TAF4B: variants seen among roughly 807,000 people sequenced by gnomAD.
TAF4B encodes transcription initiation factor TFIID subunit 4B.
TAF4B carries 38 observed loss-of-function variants against 86.4 expected under a neutral mutation model. The ratio of observed to expected loss-of-function variants is 0.44; its 90% CI spans 0.34 to 0.58. The LOEUF (loss-of-function observed/expected upper bound fraction) is 0.58. Among genes scored for constraint, TAF4B ranks in the 20% least tolerant of loss-of-function variants. The probability of loss-of-function intolerance (pLI) is 0.02; values close to 1 mark genes in which losing one functional copy is unlikely to be tolerated. For synonymous variants in TAF4B, 388 were observed against 391.2 expected (o/e 0.99, Z 0.10); for missense variants, 988 against 1,027.6 (o/e 0.96, Z 0.53).
chr18:26,372,642 T>C (rs1441353354), intron 14 of TAF4B, among the ~76,000 whole-genome samples: 2 of 152,160 alleles, frequency 1.3e-5, no homozygotes, highest in Non-Finnish European at 1.5e-5. Flanking sequence ...CTATCCGTTA[T>C]GTTAATACCA....
chr18:26,233,869 A>G (rs932706695), intron 1 of TAF4B, among the ~76,000 whole-genome samples: 2 of 152,148 alleles, frequency 1.3e-5, no homozygotes. Context: ...GTTCCCCCAG[A>G]GGGGCCTTAC....
Position 26,293,462 on chromosome 18 carries a change from A to C in TAF4B, c.1763A>C (p.Lys588Thr), listed in dbSNP as rs2056621764. The change falls in exon 9 of 15, where the codon AAA becomes ACA. Residue 588 changes from lysine (K) to threonine (T), a missense_variant. Around this residue, in one of 3 missense-constraint regions of TAF4B, gnomAD observed 747 missense variants for 737.9 expected, o/e 1.01. Transcript: ENST00000269142. ...AAGCAAATTACTCTGCCTGGAAATA[A>C]AATTCTGTCACTTCAAGCATCTCCT... ...ILKQITLPGN[K>T]ILSLQASPTQ... 1 of 1,598,022 alleles carries C rather than the reference A, an allele frequency of 6.3e-7. No homozygotes were observed. The highest frequency in any genetic ancestry group is 8.5e-7 in the Non-Finnish European group (1 of 1,175,788).
intron 13 of TAF4B, among the ~76,000 whole-genome samples, chr18:26,346,096 G>C (rs1359655856): frequency 6.6e-6 from 1 of 152,132 alleles, no homozygotes; most frequent in Non-Finnish European, 1.5e-5. Flanking sequence ...AGCCTCCTGA[G>C]TATCTGAGAC....
Position 26,265,314 on chromosome 18 carries a change from C to T in TAF4B, c.488C>T (p.Pro163Leu), listed in dbSNP as rs777045054. The change falls in exon 2 of 15, where the codon CCG becomes CTG. Residue 163 changes from proline to leucine, a missense_variant and splice_region_variant. Coordinates refer to ENST00000269142, the MANE Select transcript of TAF4B (RefSeq NM_005640.3). ...NPQTVKICTV[P>L]NSSSQLIKKV... ...CAAACAGTCAAAATCTGTACAGTGCCGGTAATATACCTTAAATATTTTTCA... is the reference window on the plus strand; with the variant it reads ...CAAACAGTCAAAATCTGTACAGTGCTGGTAATATACCTTAAATATTTTTCA... 2.5e-5 allele frequency: 40 copies of T among 1,588,864 alleles called. No individual in the cohort carries two copies. The highest frequency in any genetic ancestry group is 1.9e-4 in the Admixed American group (10 of 52,200).
chr18:26,274,521 CTG>C, intron 3 of TAF4B, 140 bp from the exon 4 acceptor site: 1 of 824,978 alleles, frequency 1.2e-6, no homozygotes, highest in Non-Finnish European at 1.9e-6. Flanking sequence ...GTTCCTAGAA[CTG>C]TATTATATTG....
intron 9 of TAF4B, among the ~76,000 whole-genome samples, chr18:26,311,215 C>G (rs1476443904): frequency 2.0e-5 from 3 of 152,120 alleles, no homozygotes; most frequent in African/African-American, 7.2e-5. Context: ...CAAACATGTG[C>G]TCTCAGGAGT....
chr18:26,255,111 A>G (rs1171690333), intron 1 of TAF4B, among the ~76,000 whole-genome samples: 1 of 152,214 alleles, frequency 6.6e-6, no homozygotes, highest in African/African-American at 2.4e-5. Context: ...ACTGAAAACT[A>G]CATACAGTTT....
At chr18:26,346,743 ATATATATATATGTGTG>A (rs2057183150) in intron 13 of TAF4B, among the ~76,000 whole-genome samples, 1 of 59,330 alleles carries the variant, frequency 1.7e-5, no homozygotes. Flanking sequence ...CCAAGAATAT[ATATATATATATGTGTG>A]TATATATATA....
intron 10 of TAF4B, among the ~76,000 whole-genome samples, chr18:26,319,262 C>G (rs982157148): frequency 2.6e-5 from 4 of 151,658 alleles, no homozygotes; most frequent in African/African-American, 9.7e-5. Context: ...GAAGCTGAGG[C>G]GGGCAGATCA....
At chr18:26,381,795 C>T (rs903091525) in intron 14 of TAF4B, among the ~76,000 whole-genome samples, 3 of 151,926 alleles carry the variant, frequency 2.0e-5, no homozygotes, top group East Asian at 1.9e-4. Context: ...TAATTATACA[C>T]ACCCTTCCAT....
intron 13 of TAF4B, among the ~76,000 whole-genome samples, chr18:26,342,644 A>G (rs2057145479): frequency 6.6e-6 from 1 of 152,198 alleles, no homozygotes; most frequent in African/African-American, 2.4e-5. Context: ...AAATGAAGAG[A>G]TGAGTACCTA....
At chr18:26,294,909 A>G (rs1399927378) in intron 9 of TAF4B, among the ~76,000 whole-genome samples, 1 of 150,246 alleles carries the variant, frequency 6.7e-6, no homozygotes, top group African/African-American at 2.4e-5. Context: ...CTTAGATAAC[A>G]CATGAAAAGA....
In TAF4B at chr18:26,227,675, GTA is replaced by G. The variant is rs1047044494; in HGVS notation, c.343+401_343+402del. ...ATGAATGAATGAATGAACGAATGAG[GTA>G]TGGTTTCGCTCTGTCGCCCAGTCTG... On this transcript the variant is annotated intron_variant, in intron 1 of 14. Coordinates refer to ENST00000269142, the MANE Select transcript of TAF4B (RefSeq NM_005640.3). Among the ~76,000 whole-genome samples, 58 of 152,290 alleles carry G rather than the reference GTA, an allele frequency of 3.8e-4. 1 individual carries two copies. Among genetic ancestry groups the G allele is most frequent in the African/African-American group, 1.3e-3 (56 of 41,550 alleles).
At chr18:26,266,397 A>G (rs1282022965) in intron 2 of TAF4B, among the ~76,000 whole-genome samples, 1 of 151,918 alleles carries the variant, frequency 6.6e-6, no homozygotes, top group Non-Finnish European at 1.5e-5. Flanking sequence ...CAGGCTGAGT[A>G]CTGTACCCAG....
intron 1 of TAF4B, among the ~76,000 whole-genome samples, chr18:26,230,703 A>T (rs759998252): frequency 6.6e-6 from 1 of 151,958 alleles, no homozygotes; most frequent in African/African-American, 2.4e-5. Flanking sequence ...GTACTCCCAC[A>T]CTTTGTTTTC....
At chr18:26,371,062 T>A (rs1362967762) in intron 14 of TAF4B, among the ~76,000 whole-genome samples, 1 of 152,016 alleles carries the variant, frequency 6.6e-6, no homozygotes, top group Admixed American at 6.5e-5. Flanking sequence ...CAACTAAGAT[T>A]CAGATTTATG....
intron 13 of TAF4B, among the ~76,000 whole-genome samples, chr18:26,336,231 C>G (rs889037349): frequency 2.0e-5 from 3 of 152,188 alleles, no homozygotes; most frequent in Non-Finnish European, 4.4e-5. Context: ...TTTTAAGGAT[C>G]TTTGTGCTAA....
intron 13 of TAF4B, among the ~76,000 whole-genome samples, chr18:26,346,002 T>C (rs2057176069): frequency 6.6e-6 from 1 of 152,180 alleles, no homozygotes; most frequent in Non-Finnish European, 1.5e-5. Context: ...TTTTATTTAC[T>C]CTGTCACCCA....
chr18:26,320,958 C>A, intron 10 of TAF4B, 112 bp from the exon 11 acceptor site: 1 of 1,315,798 alleles, frequency 7.6e-7, no homozygotes, highest in Non-Finnish European at 1.1e-6. Context: ...AATCTCCAAA[C>A]CTTTATTCAT....
Sources: gnomAD v4.1 joint callset for allele counts (sites outside exome capture counted in the v4.1 genomes callset) on GRCh38, gnomAD v4.1.1 for gene constraint, gnomAD v4.1.1 regional missense constraint, MANE v1.5 for transcripts, NCBI Gene and HGNC (gene_info 2026-07-23, HGNC 2026-07-21) for gene names.